IQGAP1: variants seen among roughly 807,000 people sequenced by gnomAD.
IQGAP1 encodes the protein IQ motif containing GTPase activating protein 1.
Under a neutral mutation model 215.6 loss-of-function variants are expected in IQGAP1, and 66 were observed. The ratio of observed to expected loss-of-function variants is 0.31; its 90% CI spans 0.25 to 0.38. The LOEUF (loss-of-function observed/expected upper bound fraction) is 0.38. IQGAP1 is among the 10% of genes least tolerant of loss of function. The pLI is 1.00. For missense variants in IQGAP1, 1,712 were observed against 1,997.1 expected, an observed-to-expected ratio of 0.86 and a Z score of 2.72; for synonymous variants, 772 against 728.7, an observed-to-expected ratio of 1.06 and a Z score of -0.96.
chr15:90,441,470 G>A, intron 7 of IQGAP1, 36 bp from the exon 8 acceptor site: 1 of 1,558,642 alleles, frequency 6.4e-7, no homozygotes, highest in Non-Finnish European at 8.8e-7. Flanking sequence ...TAATCTCAGT[G>A]TTTTTGTTGG....
intron 9 of IQGAP1, among the ~76,000 whole-genome samples, chr15:90,444,243 C>CTGTG (rs34494521): frequency 0.031 from 3,879 of 126,868 alleles, 115 homozygotes; most frequent in Admixed American, 0.071. Flanking sequence ...TCCTTCAAAA[C>CTGTG]TGTGTGTGTG....
At position 90,426,535 on chromosome 15, in the gene IQGAP1, CT is replaced by C. The variant is rs938644696; in HGVS notation, c.312+272del. Among the ~76,000 whole-genome samples the C allele has an allele frequency of 2.8e-5, 4 of 142,098 alleles. No homozygotes were observed. The South Asian group carries it at 7.5e-4, about 27-fold the overall frequency. 93.2% of individuals were successfully genotyped at this position (142,098 alleles called of 152,430 possible). A position where few individuals can be genotyped will look rare whatever the true frequency, so the allele number is the denominator to read the frequency against. ...AAAAAAATATGTACTAGGAAAAGAA[CT>C]TTAGCTGTCTTTGTTTCTGGTAGAA... is the stretch of plus-strand genomic sequence containing the variant. On this transcript the variant is annotated intron_variant, in intron 3 of 37. Transcript: ENST00000268182.
At chr15:90,434,189 C>G (rs974955541) in intron 5 of IQGAP1, among the ~76,000 whole-genome samples, 1 of 152,136 alleles carries the variant, frequency 6.6e-6, no homozygotes, top group African/African-American at 2.4e-5. Context: ...GTAATCCCAG[C>G]ATTTTGGGAG....
In IQGAP1 at chr15:90,468,075, G is replaced by GTT. The variant is rs200776956; in HGVS notation, c.2178+492_2178+493dup. ...TTGTTTGTTTGTTTGTTTGTTTTTT[G>GTT]TTTTTTTTTTGAAACAGAGTCTCAC... On this transcript the variant is annotated intron_variant, in intron 18 of 37. Coordinates refer to ENST00000268182, the MANE Select transcript of IQGAP1 (RefSeq NM_003870.4). Among the ~76,000 whole-genome samples the GTT allele has an allele frequency of 1.0e-4, 15 of 144,426 alleles. No homozygotes were observed. The South Asian group carries it at 1.1e-3, about 10-fold the overall frequency. 94.7% of individuals were successfully genotyped at this position (144,426 alleles called of 152,430 possible).
chr15:90,454,685 C>T (rs1300295309), intron 14 of IQGAP1, 133 bp downstream of exon 14: 22 of 967,734 alleles, frequency 2.3e-5, no homozygotes, highest in Non-Finnish European at 3.2e-5. Context: ...ACACAAAAGG[C>T]TAAAGTTGGA....
chr15:90,480,705 G>A (rs1209660366), intron 26 of IQGAP1, among the ~76,000 whole-genome samples: 1 of 152,166 alleles, frequency 6.6e-6, no homozygotes, highest in African/African-American at 2.4e-5. Context: ...GTCTCGTTCT[G>A]TTGGTCAGGC....
At chr15:90,441,836 A>G (rs1965455143) in intron 8 of IQGAP1, 152 bp downstream of exon 8, 1 of 652,396 alleles carries the variant, frequency 1.5e-6, no homozygotes, top group South Asian at 2.2e-5. Flanking sequence ...TGAAAAGTAT[A>G]TGTGATCATT....
chr15:90,494,641 C>T, intron 35 of IQGAP1, 72 bp from the exon 36 acceptor site: 2 of 1,354,966 alleles, frequency 1.5e-6, no homozygotes. Context: ...GACATGTTTC[C>T]TTCAGTTACC....
rs946430998 is a variant in IQGAP1, at chr15:90,467,392, C to T, written c.2036-58C>T. The T allele has an allele frequency of 4.3e-5, 66 of 1,529,874 alleles. No homozygotes were observed. In the Middle Eastern group the frequency reaches 5.2e-4, roughly 12 times the overall value. The allele number at this position is 1,529,874 out of a possible 1,614,324, so 94.8% of individuals were successfully genotyped here. On this transcript the variant is annotated intron_variant, in intron 17 of 37. Coordinates refer to ENST00000268182, the MANE Select transcript of IQGAP1 (RefSeq NM_003870.4). ...TAACTAATAATCCTGCAGTTCTGGACGTACAGCTGGGGAGTGTGGCTCTGG... is the reference window on the plus strand; with the variant it reads ...TAACTAATAATCCTGCAGTTCTGGATGTACAGCTGGGGAGTGTGGCTCTGG...
At chr15:90,409,862 C>T (rs1474844730) in intron 2 of IQGAP1, among the ~76,000 whole-genome samples, 2 of 152,192 alleles carry the variant, frequency 1.3e-5, no homozygotes, top group Non-Finnish European at 2.9e-5. Flanking sequence ...GAGATGGCAT[C>T]TCATTGTGGT....
chr15:90,454,581 A>C, intron 14 of IQGAP1, 29 bp downstream of exon 14: 1 of 1,514,786 alleles, frequency 6.6e-7, no homozygotes, highest in Admixed American at 2.3e-5. Flanking sequence ...CTCCCCAAAT[A>C]ATGTCACCAT....
intron 4 of IQGAP1, among the ~76,000 whole-genome samples, chr15:90,432,526 T>C (rs1347733302): frequency 1.3e-5 from 2 of 152,210 alleles, no homozygotes; most frequent in Non-Finnish European, 2.9e-5. Flanking sequence ...TGTCTGACTT[T>C]CAAGTTGCTT....
At chr15:90,397,892 T>TTTTTCTTG (rs1427059373) in intron 2 of IQGAP1, 1 of 147,592 alleles carries the variant, frequency 6.8e-6, no homozygotes, top group African/African-American at 2.6e-5. Flanking sequence ...TTTTTTCTTT[T>TTTTTCTTG]TTTTTTTTGA....
chr15:90,476,829 C>G lies in IQGAP1; in HGVS notation c.2940+11C>G, dbSNP rs1402803207. The stretch of plus-strand genomic sequence containing the variant: ...TTTTATTTATTGCAAGTAAGTGGCT[C>G]CTGGAATCAGTGTTATAAAAATTTA... On this transcript the variant is annotated intron_variant, in intron 24 of 37. Coordinates refer to ENST00000268182, the MANE Select transcript of IQGAP1 (RefSeq NM_003870.4). The G allele has an allele frequency of 6.3e-7, 1 of 1,584,132 alleles. No homozygotes were observed. Among genetic ancestry groups the G allele is most frequent in the Admixed American group, 2.1e-5 (1 of 48,602 alleles).
intron 15 of IQGAP1, among the ~76,000 whole-genome samples, chr15:90,458,806 G>A (rs937232609): frequency 6.6e-6 from 1 of 152,092 alleles, no homozygotes; most frequent in Non-Finnish European, 1.5e-5. Context: ...CCTCTCCACA[G>A]CATCAAGTGA....
chr15:90,459,902 GC>G (rs1191445794), intron 15 of IQGAP1, among the ~76,000 whole-genome samples: 1 of 152,106 alleles, frequency 6.6e-6, no homozygotes, highest in Non-Finnish European at 1.5e-5. Flanking sequence ...GGTAATACTG[GC>G]CTCATGACTT....
chr15:90,402,931 A>G (rs1047308594), intron 2 of IQGAP1, among the ~76,000 whole-genome samples: 1 of 152,266 alleles, frequency 6.6e-6, no homozygotes, highest in South Asian at 2.1e-4. Context: ...TAAAACAGCT[A>G]AAAGTAAACA....
chr15:90,491,135 C>T (rs1214335500), intron 33 of IQGAP1, among the ~76,000 whole-genome samples, 198 bp from the exon 34 acceptor site: 1 of 152,174 alleles, frequency 6.6e-6, no homozygotes, highest in Non-Finnish European at 1.5e-5. Flanking sequence ...TAGATATCAT[C>T]TCTTCTAGGT....
At chr15:90,445,608 A>G (rs888327845) in intron 9 of IQGAP1, among the ~76,000 whole-genome samples, 1 of 152,152 alleles carries the variant, frequency 6.6e-6, no homozygotes, top group African/African-American at 2.4e-5. Context: ...CCTAATTCCT[A>G]GCATAGGTTT....
Sources: allele counts gnomAD v4.1 joint callset (sites outside exome capture counted in the v4.1 genomes callset), GRCh38; gene constraint gnomAD v4.1.1; transcripts MANE v1.5; gene names NCBI Gene and HGNC (gene_info 2026-07-23, HGNC 2026-07-21).